The following CANX variants were observed in gnomAD, a reference collection of about 807,000 sequenced individuals.
CANX encodes calnexin.
A neutral mutation model predicts 75.7 loss-of-function variants in CANX; 14 were observed. The observed-to-expected ratio is 0.19, with a 90% CI of 0.12 to 0.29. The LOEUF is 0.29. CANX is among the 10% of genes least tolerant of loss of function. The pLI is 1.00. For synonymous variants in CANX, 227 were observed against 236.9 expected (o/e 0.96, Z 0.38); for missense variants, 567 against 713.2 (o/e 0.79, Z 2.34).
At chr5:179,721,948 A>C (rs535454034) in intron 10 of CANX, among the ~76,000 whole-genome samples, 1 of 152,040 alleles carries the variant, frequency 6.6e-6, no homozygotes, top group South Asian at 2.1e-4. Context: ...TAAATTTTTT[A>C]TTTTTTTCCT....
At chr5:179,718,351 C>G (rs1238191450) in intron 8 of CANX, among the ~76,000 whole-genome samples, 1 of 151,862 alleles carries the variant, frequency 6.6e-6, no homozygotes, top group Non-Finnish European at 1.5e-5. Flanking sequence ...CCTCACCCTC[C>G]AAGTAGCTGG....
At chr5:179,679,347 C>T in intron 1 of CANX, 3 of 1,199,402 alleles carry the variant, frequency 2.5e-6, no homozygotes, top group East Asian at 2.6e-5. Context: ...ATGTCTTAGC[C>T]CTGCAGCTAC....
chr5:179,707,659 T>TA (rs1562475579), intron 4 of CANX, among the ~76,000 whole-genome samples: 3 of 128,612 alleles, frequency 2.3e-5, no homozygotes, highest in Admixed American at 1.8e-4. Context: ...TTTTTTTTTT[T>TA]TTTTTTTTAT....
At chr5:179,681,917 C>T (rs1246072825) in intron 1 of CANX, among the ~76,000 whole-genome samples, 1 of 149,432 alleles carries the variant, frequency 6.7e-6, no homozygotes, top group Non-Finnish European at 1.5e-5. Flanking sequence ...CACTGCACTC[C>T]AGCATGGGCG....
intron 1 of CANX, among the ~76,000 whole-genome samples, chr5:179,688,553 C>CG (rs1265991321): frequency 6.6e-6 from 1 of 150,520 alleles, no homozygotes; most frequent in Non-Finnish European, 1.5e-5. Flanking sequence ...TTAGTAGAGA[C>CG]GGGGTCTCAC....
At chr5:179,715,260 G>A (rs185281630) in intron 7 of CANX, among the ~76,000 whole-genome samples, 2 of 152,190 alleles carry the variant, frequency 1.3e-5, no homozygotes, top group East Asian at 1.9e-4. Context: ...GGCTGGGCAC[G>A]GTGGCTCACA....
chr5:179,708,974 T>C lies in CANX; in HGVS notation c.447-4T>C, dbSNP rs143029539. The C allele has an allele frequency of 8.1e-6, 12 of 1,489,600 alleles. No individual in the cohort carries two copies. In the East Asian group the frequency reaches 2.0e-4, roughly 25 times the overall value. 92.3% of individuals were successfully genotyped at this position (1,489,600 alleles called of 1,614,324 possible). On this transcript the variant is annotated splice_polypyrimidine_tract_variant and splice_region_variant and intron_variant, in intron 5 of 14. Transcript: ENST00000247461. ...CAGTTTTCTGCTTTTCTCTCTGATA[T>C]TAGGTATGAGGTTAATTTCCAAAAT...
chr5:179,698,976 C>T lies in CANX; in HGVS notation c.-130C>T, dbSNP rs1283313031. ...GGCTCGCTCGCGCGGCAGCGGTGGC[C>T]GAGGCCTCTTGGTTCTGCGGCACGT... On this transcript the variant is annotated 5_prime_UTR_variant, in exon 1 of 15. Coordinates refer to ENST00000247461, the MANE Select transcript of CANX (RefSeq NM_001746.4). 7 of 1,123,448 alleles carry T rather than the reference C, an allele frequency of 6.2e-6. No individual in the cohort carries two copies. The highest frequency in any genetic ancestry group is 9.5e-5 in the East Asian group (1 of 10,504). 69.6% of individuals were successfully genotyped at this position (1,123,448 alleles called of 1,614,324 possible). A position where few individuals can be genotyped will look rare whatever the true frequency, so the allele number is the denominator to read the frequency against.
chr5:179,707,264 A>T, intron 4 of CANX, 74 bp downstream of exon 4: 1 of 888,514 alleles, frequency 1.1e-6, no homozygotes, highest in East Asian at 2.4e-5. Flanking sequence ...ATTTCCTAAG[A>T]CTAGTTTAAA....
chr5:179,729,748 TTTA>T lies in CANX; in HGVS notation c.*1106_*1108del, dbSNP rs1778887250. 6.6e-6 allele frequency: 1 copy of T among 152,658 alleles called. No homozygotes were observed. The highest frequency in any genetic ancestry group is 2.4e-5 in the African/African-American group (1 of 41,460). 9.5% of individuals were successfully genotyped at this position (152,658 alleles called of 1,614,324 possible). A position where few individuals can be genotyped will look rare whatever the true frequency, so the allele number is the denominator to read the frequency against. ...CAAAGTACAGAAAAATACTTTGATT[TTTA>T]TCCATTTCTTTTACTCTGTGTAAAG... is the stretch of plus-strand genomic sequence containing the variant. On this transcript the variant is annotated 3_prime_UTR_variant, in exon 15 of 15. Coordinates refer to ENST00000247461, the MANE Select transcript of CANX (RefSeq NM_001746.4).
At chr5:179,718,848 A>G (rs983364343) in intron 8 of CANX, among the ~76,000 whole-genome samples, 1 of 151,408 alleles carries the variant, frequency 6.6e-6, no homozygotes, top group Non-Finnish European at 1.5e-5. Flanking sequence ...ATTTTTTGGT[A>G]GAGACAGGGT....
At chr5:179,714,793 A>T (rs374971226) in intron 7 of CANX, among the ~76,000 whole-genome samples, 11 of 152,304 alleles carry the variant, frequency 7.2e-5, no homozygotes, top group African/African-American at 1.9e-4. Context: ...CTGGGATTAC[A>T]GGCGTGAGCC....
rs374687531 is a variant in CANX at position 179,723,637 on chromosome 5, A to G, written c.1399-23A>G. On this transcript the variant is annotated intron_variant, in intron 11 of 14. Coordinates refer to ENST00000247461, the MANE Select transcript of CANX (RefSeq NM_001746.4). ...TTGGTGTCAAAAGCTGGAACTTTCA[A>G]TCAGCCCTGTCTTGTTTTTCAGCCA... is the stretch of plus-strand genomic sequence containing the variant. 36 of 1,603,266 alleles carry G rather than the reference A, an allele frequency of 2.2e-5. No homozygotes were observed. In the African/African-American group the frequency reaches 3.1e-4, roughly 14 times the overall value.
chr5:179,692,717 T>C (rs1252805650), intron 1 of CANX, among the ~76,000 whole-genome samples: 1 of 152,068 alleles, frequency 6.6e-6, no homozygotes, highest in Non-Finnish European at 1.5e-5. Context: ...GGTTTTGCCA[T>C]GTTGCCCAGG....
intron 10 of CANX, among the ~76,000 whole-genome samples, 198 bp downstream of exon 10, chr5:179,720,758 C>T (rs1446806676): frequency 6.6e-6 from 1 of 151,852 alleles, no homozygotes; most frequent in Non-Finnish European, 1.5e-5. Flanking sequence ...GAGTGAATAA[C>T]TTTCTTTAAC....
chr5:179,704,567 G>T (rs1370635990), intron 1 of CANX: 1 of 152,134 alleles, frequency 6.6e-6, no homozygotes, highest in African/African-American at 2.4e-5. Context: ...CAGGTGCAGT[G>T]GCTCACGCCT....
chr5:179,699,309 G>T (rs1444797225), intron 1 of CANX, among the ~76,000 whole-genome samples: 1 of 152,116 alleles, frequency 6.6e-6, no homozygotes, highest in Admixed American at 6.6e-5. Flanking sequence ...AGGCCGCGCC[G>T]CCGGGGTCGG....
chr5:179,694,936 G>A (rs748937506), upstream of CANX, among the ~76,000 whole-genome samples: 5 of 152,158 alleles, frequency 3.3e-5, no homozygotes, highest in Non-Finnish European at 5.9e-5. Flanking sequence ...AGCTGGATAC[G>A]AAGGATAAAT....
At chr5:179,679,040 C>G in intron 1 of CANX, 1 of 1,534,390 alleles carries the variant, frequency 6.5e-7, no homozygotes. Flanking sequence ...TGGCGGCCGC[C>G]GTGGCGAGAA....
Sources: gnomAD v4.1 joint callset for allele counts (sites outside exome capture counted in the v4.1 genomes callset) on GRCh38, gnomAD v4.1.1 for gene constraint, MANE v1.5 for transcripts, NCBI Gene and HGNC (gene_info 2026-07-23, HGNC 2026-07-21) for gene names.